Variants in ADCY8 observed in about 807,000 individuals in gnomAD.
The protein encoded by ADCY8 is adenylate cyclase 8.
In ADCY8, 51 loss-of-function variants were observed where a neutral mutation model predicts 119.7. That is an observed-to-expected ratio of 0.43 (90% CI 0.34 to 0.54). The LOEUF (loss-of-function observed/expected upper bound fraction) is 0.54. ADCY8 is among the 20% of genes least tolerant of loss of function. ADCY8 has a pLI of 0.03. For synonymous variants in ADCY8, 665 were observed against 651.0 expected (o/e 1.02, Z -0.33); for missense variants, 1,383 against 1,598.8 (o/e 0.87, Z 2.30).
intron 6 of ADCY8, among the ~76,000 whole-genome samples, chr8:130,905,855 G>C (rs928751769): frequency 1.3e-5 from 2 of 152,090 alleles, no homozygotes; most frequent in Non-Finnish European, 2.9e-5. Flanking sequence ...GTGAGACCCT[G>C]TCTTAGAAAA....
intron 7 of ADCY8, among the ~76,000 whole-genome samples, chr8:130,896,973 T>C (rs1286863887): frequency 6.6e-6 from 1 of 152,082 alleles, no homozygotes; most frequent in Admixed American, 6.6e-5. Context: ...GATCATCCAG[T>C]CCAGTTTTGC....
At chr8:131,029,240 C>T (rs1040561196) in intron 1 of ADCY8, among the ~76,000 whole-genome samples, 4 of 152,186 alleles carry the variant, frequency 2.6e-5, no homozygotes, top group Non-Finnish European at 5.9e-5. Context: ...CCAGATGGGA[C>T]CATCTAGCTG....
chr8:130,909,727 C>T lies in ADCY8; in HGVS notation c.1621G>A (p.Glu541Lys). The T allele has an allele frequency of 1.9e-6, 3 of 1,614,082 alleles. No individual in the cohort carries two copies. The highest frequency in any genetic ancestry group is 2.5e-6 in the Non-Finnish European group (3 of 1,180,002). The change falls in exon 6 of 18, where the codon GAA becomes AAA. Residue 541 changes from glutamate (E) to lysine (K), a missense_variant. Glu to Lys is a moderately conservative substitution (Grantham distance 56). Around this residue, in one of 2 missense-constraint regions of ADCY8, gnomAD observed 928 missense variants for 1,163.5 expected, o/e 0.80. Coordinates refer to ENST00000286355, the MANE Select transcript of ADCY8 (RefSeq NM_001115.3). Reference sequence around the variant, plus strand: ...TCTTACCCAGGGATTCCTCCAGATTCGAGTTTGTTTGCAATATCCACATCC... The same window carrying T: ...TCTTACCCAGGGATTCCTCCAGATTTGAGTTTGTTTGCAATATCCACATCC... Reference protein sequence around the residue: ...SWDVDIANKLESGGIPGRIHI... With the variant: ...SWDVDIANKLKSGGIPGRIHI...
intron 5 of ADCY8, among the ~76,000 whole-genome samples, chr8:130,918,514 A>T (rs927678291): frequency 1.5e-4 from 23 of 152,182 alleles, no homozygotes; most frequent in African/African-American, 5.5e-4. Context: ...CTATTTTTTT[A>T]AAAAAACTAT....
rs377390337 is a variant in ADCY8 at position 130,785,355 on chromosome 8, T to C, written c.3153+28A>G. 5.2e-6 allele frequency: 8 copies of C among 1,537,266 alleles called. No individual in the cohort carries two copies. In the African/African-American group the frequency reaches 8.3e-5, roughly 16 times the overall value. On this transcript the variant is annotated intron_variant, in intron 16 of 17. Coordinates refer to ENST00000286355, the MANE Select transcript of ADCY8 (RefSeq NM_001115.3). ...GACAACAGCAAGACCCCACCATGCA[T>C]TGTGGCTGAGTCCAAAGAGTCCTTT...
intron 8 of ADCY8, among the ~76,000 whole-genome samples, chr8:130,868,889 C>T (rs570051241): frequency 1.3e-5 from 2 of 152,342 alleles, no homozygotes; most frequent in African/African-American, 4.8e-5. Flanking sequence ...AGAGGTCTCA[C>T]AACATCTTAG....
intron 5 of ADCY8, among the ~76,000 whole-genome samples, chr8:130,915,978 A>G (rs941760432): frequency 1.3e-5 from 2 of 152,198 alleles, no homozygotes; most frequent in African/African-American, 4.8e-5. Context: ...GGAGTTAGTT[A>G]TGGAGGTCAA....
At chr8:130,789,994 G>T (rs1416418491) in intron 15 of ADCY8, among the ~76,000 whole-genome samples, 2 of 152,188 alleles carry the variant, frequency 1.3e-5, no homozygotes, top group African/African-American at 4.8e-5. Flanking sequence ...GGATAGTCAA[G>T]TCATTCATTC....
chr8:130,836,462 A>G lies in ADCY8; in HGVS notation c.2503-13T>C. On this transcript the variant is annotated splice_polypyrimidine_tract_variant and intron_variant, in intron 11 of 17. Coordinates refer to ENST00000286355, the MANE Select transcript of ADCY8 (RefSeq NM_001115.3). ...TGAAGACAAAGTACTGGAAACAGAGAATGCAGGTGGTCAGATTCAATGGGG... is the reference window on the plus strand; with the variant it reads ...TGAAGACAAAGTACTGGAAACAGAGGATGCAGGTGGTCAGATTCAATGGGG... The G allele has an allele frequency of 6.2e-7, 1 of 1,611,394 alleles. No homozygotes were observed. Among genetic ancestry groups the G allele is most frequent in the South Asian group, 1.1e-5 (1 of 90,574 alleles).
intron 7 of ADCY8, among the ~76,000 whole-genome samples, chr8:130,886,914 T>TCAGTAG (rs1398792735): frequency 2.0e-5 from 3 of 152,086 alleles, no homozygotes; most frequent in African/African-American, 4.8e-5. Flanking sequence ...TCTTTAAATT[T>TCAGTAG]CAGTAGCAGC....
chr8:130,824,048 T>G (rs1563679907), intron 12 of ADCY8, among the ~76,000 whole-genome samples: 1 of 151,824 alleles, frequency 6.6e-6, no homozygotes, highest in Non-Finnish European at 1.5e-5. Flanking sequence ...CACGGAGGAG[T>G]AGTCATTTTC....
At chr8:130,894,385 G>T (rs1238544259) in intron 7 of ADCY8, among the ~76,000 whole-genome samples, 1 of 152,064 alleles carries the variant, frequency 6.6e-6, no homozygotes, top group African/African-American at 2.4e-5. Context: ...TTATTTCCAG[G>T]CTTATCCCTT....
At chr8:130,982,748 G>A (rs1822276645) in intron 2 of ADCY8, among the ~76,000 whole-genome samples, 1 of 152,174 alleles carries the variant, frequency 6.6e-6, no homozygotes, top group South Asian at 2.1e-4. Flanking sequence ...GTATATTCTA[G>A]TTAACCAAAT....
chr8:131,022,893 G>T (rs543804216), intron 1 of ADCY8, among the ~76,000 whole-genome samples: 2 of 152,116 alleles, frequency 1.3e-5, no homozygotes, highest in Non-Finnish European at 2.9e-5. Flanking sequence ...ATGATGGAAG[G>T]AATATGAATT....
chr8:130,821,301 A>G (rs370039220), intron 13 of ADCY8, 41 bp downstream of exon 13: 2 of 1,550,582 alleles, frequency 1.3e-6, no homozygotes, highest in African/African-American at 2.7e-5. Context: ...GTAACAAGAA[A>G]TGTCAGGTAA....
At chr8:130,899,984 G>A (rs908591642) in intron 7 of ADCY8, among the ~76,000 whole-genome samples, 1 of 152,042 alleles carries the variant, frequency 6.6e-6, no homozygotes, top group African/African-American at 2.4e-5. Context: ...AGTTCCAATA[G>A]TCCACCTGTG....
intron 11 of ADCY8, among the ~76,000 whole-genome samples, chr8:130,837,111 A>G (rs536917025): frequency 2.0e-5 from 3 of 152,206 alleles, no homozygotes; most frequent in Admixed American, 6.5e-5. Flanking sequence ...CAACAGCTCT[A>G]GAATAGCTTT....
rs1824352930 is a variant in ADCY8 at position 131,040,396 on chromosome 8, A to G, written c.-63T>C. 1 of 1,423,426 alleles carries G rather than the reference A, an allele frequency of 7.0e-7. No individual in the cohort carries two copies. The highest frequency in any genetic ancestry group is 9.1e-7 in the Non-Finnish European group (1 of 1,095,308). 88.2% of individuals were successfully genotyped at this position (1,423,426 alleles called of 1,614,324 possible). ...GGAGGCAGCCGGAGGAGGGGTTCCTAAAGACTCAAAGGCGGCCTGGTAGGA... is the reference window on the plus strand; with the variant it reads ...GGAGGCAGCCGGAGGAGGGGTTCCTGAAGACTCAAAGGCGGCCTGGTAGGA... On this transcript the variant is annotated 5_prime_UTR_variant, in exon 1 of 18. Coordinates refer to ENST00000286355, the MANE Select transcript of ADCY8 (RefSeq NM_001115.3).
intron 1 of ADCY8, among the ~76,000 whole-genome samples, chr8:131,010,545 AACAGAT>A (rs1480206155): frequency 6.6e-6 from 1 of 152,216 alleles, no homozygotes; most frequent in African/African-American, 2.4e-5. Flanking sequence ...GAGAGAGAAA[AACAGAT>A]ACACAAATAA....
Sources: allele counts gnomAD v4.1 joint callset (sites outside exome capture counted in the v4.1 genomes callset), GRCh38; gene constraint gnomAD v4.1.1; regional missense constraint gnomAD v4.1.1; transcripts MANE v1.5; gene names NCBI Gene and HGNC (gene_info 2026-07-23, HGNC 2026-07-21).